The following RAPH1 variants were observed in gnomAD, a reference collection of about 807,000 sequenced individuals.
RAPH1 encodes the protein ras-associated and pleckstrin homology domains-containing protein 1.
RAPH1 carries 18 observed loss-of-function variants against 88.1 expected under a neutral mutation model. The observed-to-expected ratio is 0.20, with a 90% CI of 0.14 to 0.30. The LOEUF (loss-of-function observed/expected upper bound fraction) is 0.30. Ranked by LOEUF, RAPH1 falls within the 10% of genes least tolerant of loss-of-function variation. The probability of loss-of-function intolerance (pLI) is 1.00; values close to 1 mark genes in which losing one functional copy is unlikely to be tolerated. For missense variants in RAPH1, 1,448 were observed against 1,543.2 expected, an observed-to-expected ratio of 0.94 and a Z score of 1.03; for synonymous variants, 587 against 559.0, an observed-to-expected ratio of 1.05 and a Z score of -0.71.
In RAPH1 at chr2:203,433,713, C is replaced by CTTAA. The variant is rs1202599251; in HGVS notation, c.*5720_*5723dup. On this transcript the variant is annotated 3_prime_UTR_variant, in exon 14 of 14. Transcript: ENST00000319170. Reference sequence around the variant, plus strand: ...ATATCAAACTAGTTTATTTACCACACTTAATTTCTTCTGTGTATGGCCTAT... The same window carrying CTTAA: ...ATATCAAACTAGTTTATTTACCACACTTAATTAATTTCTTCTGTGTATGGCCTAT... The CTTAA allele has an allele frequency of 1.3e-5, 2 of 152,162 alleles. No individual in the cohort carries two copies. The highest frequency in any genetic ancestry group is 4.8e-5 in the African/African-American group (2 of 41,406). The allele number at this position is 152,162 out of a possible 1,614,324, so 9.4% of individuals were successfully genotyped here.
intron 10 of RAPH1, among the ~76,000 whole-genome samples, chr2:203,449,683 A>G (rs2098513096): frequency 6.6e-6 from 1 of 152,176 alleles, no homozygotes; most frequent in Non-Finnish European, 1.5e-5. Context: ...CCAAAAAACT[A>G]ATGGCTATAA....
chr2:203,493,257 G>A (rs1688353236), intron 2 of RAPH1, among the ~76,000 whole-genome samples: 1 of 152,086 alleles, frequency 6.6e-6, no homozygotes, highest in East Asian at 1.9e-4. Context: ...AAAATACAGG[G>A]GAAAGTACAA....
At chr2:203,463,835 A>G (rs2098526249) in intron 4 of RAPH1, among the ~76,000 whole-genome samples, 1 of 152,232 alleles carries the variant, frequency 6.6e-6, no homozygotes, top group Admixed American at 6.5e-5. Context: ...TCTTTTTAAA[A>G]CAAGCTATGA....
chr2:203,447,066 T>C (rs2098510452), intron 12 of RAPH1: 1 of 152,188 alleles, frequency 6.6e-6, no homozygotes, highest in Non-Finnish European at 1.5e-5. Flanking sequence ...TGTCGTTTTT[T>C]AAGCATTCCC....
chr2:203,450,742 GT>G (rs2098514145), intron 10 of RAPH1, among the ~76,000 whole-genome samples: 1 of 152,226 alleles, frequency 6.6e-6, no homozygotes, highest in Non-Finnish European at 1.5e-5. Flanking sequence ...GCAGGGCAAG[GT>G]TCAGAGATCT....
At chr2:203,498,234 A>T (rs1283140496) in intron 1 of RAPH1, among the ~76,000 whole-genome samples, 1 of 152,204 alleles carries the variant, frequency 6.6e-6, no homozygotes, top group Non-Finnish European at 1.5e-5. Context: ...TGGCAGAAAC[A>T]GCAGCTTTAG....
intron 4 of RAPH1, among the ~76,000 whole-genome samples, chr2:203,466,279 C>G (rs2098528388): frequency 1.3e-5 from 2 of 152,152 alleles, no homozygotes; most frequent in Non-Finnish European, 2.9e-5. Context: ...ATGTTTATGT[C>G]AAATTGCAAG....
chr2:203,493,969 C>A (rs1330595202), intron 2 of RAPH1, among the ~76,000 whole-genome samples: 1 of 54,632 alleles, frequency 1.8e-5, no homozygotes. Flanking sequence ...GAGACTCTAT[C>A]TCAAAAAAAA....
In RAPH1 at chr2:203,489,887, T is replaced by C. The variant is rs144893071; in HGVS notation, c.429A>G (p.Ile143Met). Residue 143 changes from isoleucine (I) to methionine (M), a missense_variant, in exon 4 of 14, where the codon ATA (isoleucine) becomes ATG (methionine). Physicochemically the swap from Ile to Met is conservative, Grantham distance 10. Around this residue, in one of 2 missense-constraint regions of RAPH1, gnomAD observed 513 missense variants for 653.1 expected, o/e 0.79. Transcript: ENST00000319170. ...LKGLSSSSNR[I>M]AKPSHASYSL... is the part of the protein sequence containing the mutation. ...AGTAGCTGGCATGGGAAGGTTTAGC[T>C]ATCCTATTAGATGAAGAAGATAATC... is the stretch of plus-strand genomic sequence containing the variant. 18 of 1,614,230 alleles carry C rather than the reference T, an allele frequency of 1.1e-5. No individual in the cohort carries two copies. The African/African-American group carries it at 2.1e-4, about 19-fold the overall frequency.
At chr2:203,450,889 A>G (rs1032523941) in intron 10 of RAPH1, among the ~76,000 whole-genome samples, 2 of 151,380 alleles carry the variant, frequency 1.3e-5, no homozygotes, top group African/African-American at 4.9e-5. Context: ...GTTCTGCACA[A>G]AAAGAGGGTT....
intron 1 of RAPH1, among the ~76,000 whole-genome samples, chr2:203,504,569 C>T (rs184922705): frequency 1.1e-4 from 17 of 152,160 alleles, no homozygotes; most frequent in Non-Finnish European, 2.1e-4. Context: ...GCTGACCTGA[C>T]GGTCTCTGAC....
intron 4 of RAPH1, among the ~76,000 whole-genome samples, chr2:203,465,014 A>G (rs920057722): frequency 3.3e-5 from 5 of 152,246 alleles, no homozygotes; most frequent in Non-Finnish European, 4.4e-5. Flanking sequence ...ATGTGGAACA[A>G]TAGGAACTCT....
At chr2:203,493,971 CAA>C (rs397937732) in intron 2 of RAPH1, among the ~76,000 whole-genome samples, 1,346 of 18,744 alleles carry the variant, frequency 0.072, 1 homozygote, top group African/African-American at 0.17. Context: ...GACTCTATCT[CAA>C]AAAAAAAAAA....
Position 203,495,279 on chromosome 2 carries a change from G to A in RAPH1, c.75C>T (p.Asp25=), listed in dbSNP as rs1307948229. 1 of 1,614,028 alleles carries A rather than the reference G, an allele frequency of 6.2e-7. No homozygotes were observed. Among genetic ancestry groups the A allele is most frequent in the South Asian group, 1.1e-5 (1 of 91,076 alleles). Reference sequence around the variant, plus strand: ...CTCCAAGCCAGGCTCCAAACATTTTGTCCAGGTCCTGATCTTCCTTGTCAC... The same window carrying A: ...CTCCAAGCCAGGCTCCAAACATTTTATCCAGGTCCTGATCTTCCTTGTCAC... ...EDSDKEDQDL[D]KMFGAWLGEL... is the part of the protein sequence containing the mutation. The change falls in exon 2 of 14, where the codon GAC becomes GAT. Residue 25 remains aspartate, a synonymous_variant. Transcript: ENST00000319170.
At position 203,448,618 on chromosome 2, in the gene RAPH1, A is replaced by G. The variant is rs181091144; in HGVS notation, c.1512+120T>C. 53 of 574,030 alleles carry G rather than the reference A, an allele frequency of 9.2e-5. No homozygotes were observed. The East Asian group carries it at 1.5e-3, about 16-fold the overall frequency. 35.6% of individuals were successfully genotyped at this position (574,030 alleles called of 1,614,324 possible). A position where few individuals can be genotyped will look rare whatever the true frequency, so the allele number is the denominator to read the frequency against. On this transcript the variant is annotated intron_variant, in intron 11 of 13. Transcript: ENST00000319170. This position sits in a 1 kb window ranked among gnomAD's most constrained non-coding sequence, Gnocchi z 4.1. ...TTTAAAACTTGAAACTTAGGCCTGA[A>G]AAACGTAGGCACTGGCAAATCCATG...
intron 4 of RAPH1, among the ~76,000 whole-genome samples, chr2:203,463,506 T>C (rs1463360902): frequency 6.6e-6 from 1 of 152,232 alleles, no homozygotes; most frequent in Non-Finnish European, 1.5e-5. Flanking sequence ...TTTACTATTT[T>C]GTGGAACAGA....
intron 1 of RAPH1, among the ~76,000 whole-genome samples, chr2:203,526,232 A>G (rs1329798190): frequency 6.6e-6 from 1 of 152,164 alleles, no homozygotes; most frequent in Admixed American, 6.6e-5. Flanking sequence ...TTTTAAAAAA[A>G]TGTTTTATTA....
intron 13 of RAPH1, chr2:203,443,563 A>G (rs2098506237): frequency 6.6e-6 from 1 of 152,192 alleles, no homozygotes; most frequent in South Asian, 2.1e-4. Context: ...TTTTAAGGGA[A>G]ATGATTTTAA....
chr2:203,522,304 A>G (rs1018089452), intron 1 of RAPH1, among the ~76,000 whole-genome samples: 1 of 152,262 alleles, frequency 6.6e-6, no homozygotes, highest in Non-Finnish European at 1.5e-5. Flanking sequence ...TCATAAAAAT[A>G]AAGCTATGTG....
Sources: allele counts gnomAD v4.1 joint callset (sites outside exome capture counted in the v4.1 genomes callset), GRCh38; gene constraint gnomAD v4.1.1; regional missense constraint gnomAD v4.1.1; non-coding constraint Gnocchi (gnomAD v3.1); transcripts MANE v1.5; gene names NCBI Gene and HGNC (gene_info 2026-07-23, HGNC 2026-07-21).